The following FAM20C variants were observed in gnomAD, a reference collection of about 807,000 sequenced individuals.
The protein encoded by FAM20C is FAM20C golgi associated secretory pathway kinase, also known as extracellular serine/threonine protein kinase FAM20C.
A neutral mutation model predicts 51.5 loss-of-function variants in FAM20C; 40 were observed. That is an observed-to-expected ratio of 0.78 (90% CI 0.60 to 1.01). FAM20C has a LOEUF of 1.01. Among genes scored for constraint, FAM20C ranks in the 50% least tolerant of loss-of-function variants. The pLI is 0.00. For missense variants in FAM20C, 861 were observed against 844.7 expected (o/e 1.02, Z -0.24); for synonymous variants, 406 against 380.6 (o/e 1.07, Z -0.78).
intron 4 of FAM20C, 141 bp downstream of exon 4, chr7:246,648 C>A (rs1377827822): frequency 1.9e-6 from 1 of 530,624 alleles, no homozygotes; most frequent in South Asian, 2.4e-5. Flanking sequence ...GCTCTCCCCC[C>A]ACCCCGAGTG....
Position 207,713 on chromosome 7 carries a change from A to C in FAM20C, c.785-1185A>C, listed in dbSNP as rs545462290. On this transcript the variant is annotated intron_variant, in intron 2 of 9. Coordinates refer to ENST00000313766, the MANE Select transcript of FAM20C (RefSeq NM_020223.4). ...GCCCCGTGAGGCCCCCTCACACCAG[A>C]CAATCCCCCGCGTGGCCCGGACCTA... is the stretch of plus-strand genomic sequence containing the variant. Among the ~76,000 whole-genome samples, 6 of 152,294 alleles carry C rather than the reference A, an allele frequency of 3.9e-5. No individual in the cohort carries two copies. In the East Asian group the frequency reaches 9.7e-4, roughly 25 times the overall value.
At chr7:199,668 C>G (rs1157489496) in intron 2 of FAM20C, among the ~76,000 whole-genome samples, 1 of 152,210 alleles carries the variant, frequency 6.6e-6, no homozygotes, top group African/African-American at 2.4e-5. Flanking sequence ...TACAGCACAG[C>G]TGGTTAGGGC....
At chr7:200,487 T>C (rs1786078450) in intron 2 of FAM20C, among the ~76,000 whole-genome samples, 1 of 152,312 alleles carries the variant, frequency 6.6e-6, no homozygotes, top group Admixed American at 6.5e-5. Context: ...CAAAAGCTCA[T>C]GCTGCTGAGG....
chr7:201,326 A>G (rs1260145362), intron 2 of FAM20C, among the ~76,000 whole-genome samples: 1 of 152,112 alleles, frequency 6.6e-6, no homozygotes, highest in Non-Finnish European at 1.5e-5. Flanking sequence ...GCAGCATCTC[A>G]CACCTGGATG....
intron 5 of FAM20C, among the ~76,000 whole-genome samples, chr7:250,719 C>T (rs368149602): frequency 1.3e-5 from 2 of 152,370 alleles, no homozygotes; most frequent in East Asian, 1.9e-4. Context: ...CAGGACTGAC[C>T]GCACTGCAGC....
intron 3 of FAM20C, among the ~76,000 whole-genome samples, chr7:230,465 C>A (rs955858387): frequency 6.6e-6 from 1 of 150,986 alleles, no homozygotes; most frequent in Non-Finnish European, 1.5e-5. Context: ...CTCTGTGTCC[C>A]GGCGTTCGGA....
In FAM20C at chr7:259,977, G is replaced by A; in HGVS notation, c.1752G>A (p.Arg584=). The part of the protein sequence containing the change: ...LDTEHRAASA[R] ...CTGAGCACAGAGCCGCCTCGGCGAG[G>A]TAGTGTCCGCCGGCCGCTGCGCTGC... is the stretch of plus-strand genomic sequence containing the variant. The change falls in exon 10 of 10, where the codon AGG becomes AGA. Residue 584 remains arginine (R), a synonymous_variant. Coordinates refer to ENST00000313766, the MANE Select transcript of FAM20C (RefSeq NM_020223.4). The A allele has an allele frequency of 1.3e-6, 2 of 1,510,384 alleles. No homozygotes were observed. Among genetic ancestry groups the A allele is most frequent in the Non-Finnish European group, 1.8e-6 (2 of 1,127,138 alleles). 93.6% of individuals were successfully genotyped at this position (1,510,384 alleles called of 1,614,324 possible).
rs1172475129 is a variant in FAM20C at position 256,735 on chromosome 7, G to A, written c.1335G>A (p.Met445Ile). The change falls in exon 7 of 10, where the codon ATG (methionine) becomes ATA (isoleucine). Residue 445 changes from methionine to isoleucine, a missense_variant. By Grantham distance (10) the Met-to-Ile change is conservative. Around this residue, in one of 3 missense-constraint regions of FAM20C, gnomAD observed 269 missense variants for 283.8 expected, o/e 0.95. Coordinates refer to ENST00000313766, the MANE Select transcript of FAM20C (RefSeq NM_020223.4). ...YDSSHRILDV[M>I]DMTIFDFLMG... is the part of the protein sequence containing the mutation. ...GCAGCCACCGCATCCTGGACGTCAT[G>A]GACATGACGATCTTCGACTTCCTCA... 2 of 1,536,084 alleles carry A rather than the reference G, an allele frequency of 1.3e-6. No homozygotes were observed. The highest frequency in any genetic ancestry group is 2.0e-5 in the Admixed American group (1 of 50,982).
intron 9 of FAM20C, among the ~76,000 whole-genome samples, chr7:259,029 G>C (rs1415002360): frequency 2.6e-5 from 4 of 152,252 alleles, no homozygotes; most frequent in Admixed American, 2.6e-4. Context: ...CCCGCACGCA[G>C]CTGCCGGTCT....
rs369287929 is a variant in FAM20C at position 246,481 on chromosome 7, G to A, written c.930G>A (p.Ala310=). 44 of 1,205,918 alleles carry A rather than the reference G, an allele frequency of 3.6e-5. No individual in the cohort carries two copies. The highest frequency in any genetic ancestry group is 6.2e-5 in the African/African-American group (2 of 32,302). 74.7% of individuals were successfully genotyped at this position (1,205,918 alleles called of 1,614,324 possible). A position where few individuals can be genotyped will look rare whatever the true frequency, so the allele number is the denominator to read the frequency against. ...TCTCTGACTACGAGAGGCACAATGC[G>A]GAGATTGCTGCCTTCCACCTGGACA... is the stretch of plus-strand genomic sequence containing the variant. ...FYFSDYERHN[A]EIAAFHLDRI... Residue 310 remains alanine (A), a synonymous_variant, in exon 4 of 10, where the codon GCG becomes GCA. Coordinates refer to ENST00000313766, the MANE Select transcript of FAM20C (RefSeq NM_020223.4).
At position 241,756 on chromosome 7, in the gene FAM20C, CA is replaced by C. The variant is rs1787953523; in HGVS notation, c.864-4658del. Among the ~76,000 whole-genome samples, 15 of 151,452 alleles carry C rather than the reference CA, an allele frequency of 9.9e-5. No individual in the cohort carries two copies. In the South Asian group the frequency reaches 1.3e-3, roughly 13 times the overall value. On this transcript the variant is annotated intron_variant, in intron 3 of 9. Coordinates refer to ENST00000313766, the MANE Select transcript of FAM20C (RefSeq NM_020223.4). ...GCCCGTGTGTGTGTTTCTGAGTGTG[CA>C]GGTGGGTGTGTGTGCATGAGCGAGT...
At position 259,877 on chromosome 7, in the gene FAM20C, G is replaced by A. The variant is rs150231592; in HGVS notation, c.1652G>A (p.Arg551His). The A allele has an allele frequency of 0.034, 51,762 of 1,536,158 alleles. 1,011 individuals carry two copies. The highest frequency in any genetic ancestry group is 0.04 in the Non-Finnish European group (46,059 of 1,146,704). Residue 551 changes from arginine to histidine, a missense_variant, in exon 10 of 10, where the codon CGC becomes CAC. By Grantham distance (29) the Arg-to-His change is conservative (BLOSUM62 0). Around this residue, in one of 3 missense-constraint regions of FAM20C, gnomAD observed 269 missense variants for 283.8 expected, o/e 0.95. Coordinates refer to ENST00000313766, the MANE Select transcript of FAM20C (RefSeq NM_020223.4). ...PHLEALDRRL[R>H]VVLKAVRDCV... ...CTGGAGGCCCTGGACCGGCGGCTCC[G>A]CGTCGTGCTAAAGGCCGTCCGGGAC...
intron 3 of FAM20C, among the ~76,000 whole-genome samples, chr7:217,528 GCTTGAGGT>G (rs1403144154): frequency 7.2e-6 from 1 of 138,438 alleles, no homozygotes; most frequent in African/African-American, 2.7e-5. Flanking sequence ...CTCGGGCTTG[GCTTGAGGT>G]TAGGTGTGTC....
chr7:229,340 T>TGGGCCCTG (rs1294749919), intron 3 of FAM20C: 1 of 180,356 alleles, frequency 5.5e-6, no homozygotes, highest in Non-Finnish European at 1.2e-5. Flanking sequence ...CGGTCCTTCC[T>TGGGCCCTG]GGGCCCTGTG....
chr7:199,174 C>G (rs1306965822), intron 2 of FAM20C, among the ~76,000 whole-genome samples: 1 of 152,234 alleles, frequency 6.6e-6, no homozygotes, highest in Non-Finnish European at 1.5e-5. Context: ...CCTGACTCAG[C>G]CACGGCTGTT....
intron 5 of FAM20C, among the ~76,000 whole-genome samples, chr7:255,243 G>A (rs1583342704): frequency 6.6e-6 from 1 of 152,124 alleles, no homozygotes; most frequent in Non-Finnish European, 1.5e-5. Flanking sequence ...CGTCCCAGCC[G>A]GCAGCTGCTC....
chr7:216,467 T>C (rs1477790797), intron 3 of FAM20C, among the ~76,000 whole-genome samples: 11 of 149,046 alleles, frequency 7.4e-5, no homozygotes, highest in South Asian at 6.4e-4. Flanking sequence ...GAGCAGGGCC[T>C]CTGGTGGTAG....
chr7:230,795 A>G (rs28538014), intron 3 of FAM20C, among the ~76,000 whole-genome samples: 16 of 42,550 alleles, frequency 3.8e-4, no homozygotes, highest in Non-Finnish European at 1.4e-3. Flanking sequence ...ACTGCTCTCA[A>G]TAATATACTG....
At chr7:248,000 T>G (rs1031393818) in intron 4 of FAM20C, among the ~76,000 whole-genome samples, 2 of 152,274 alleles carry the variant, frequency 1.3e-5, no homozygotes, top group Non-Finnish European at 2.9e-5. Context: ...AAGTGGCTCC[T>G]TTAATTTAAT....
Sources: gnomAD v4.1 joint callset for allele counts (sites outside exome capture counted in the v4.1 genomes callset) on GRCh38, gnomAD v4.1.1 for gene constraint, gnomAD v4.1.1 regional missense constraint, MANE v1.5 for transcripts, NCBI Gene and HGNC (gene_info 2026-07-23, HGNC 2026-07-21) for gene names.